The following SLC26A4 variants were observed in gnomAD, a reference collection of about 807,000 sequenced individuals.
The protein encoded by SLC26A4 is pendrin.
Under a neutral mutation model 90.4 loss-of-function variants are expected in SLC26A4, and 93 were observed. That is an observed-to-expected ratio of 1.03 (90% CI 0.87 to 1.22). The LOEUF (loss-of-function observed/expected upper bound fraction) is 1.22. Ranked by LOEUF, SLC26A4 falls within the 50% of genes most tolerant of loss-of-function variation. The probability of loss-of-function intolerance (pLI) is 0.00; values close to 1 mark genes in which losing one functional copy is unlikely to be tolerated. For missense variants in SLC26A4, 1,127 were observed against 946.2 expected, an observed-to-expected ratio of 1.19 and a Z score of -2.51; for synonymous variants, 393 against 354.6, an observed-to-expected ratio of 1.11 and a Z score of -1.22.
At chr7:107,687,602 G>A (rs1791454472) in intron 8 of SLC26A4, among the ~76,000 whole-genome samples, 1 of 152,244 alleles carries the variant, frequency 6.6e-6, no homozygotes, top group African/African-American at 2.4e-5. Context: ...GAGTGATTCT[G>A]GTCCTTTGAC....
At chr7:107,670,822 C>T (rs939526325) in intron 3 of SLC26A4, among the ~76,000 whole-genome samples, 1 of 152,050 alleles carries the variant, frequency 6.6e-6, no homozygotes, top group African/African-American at 2.4e-5. Context: ...ATGCTGGCTA[C>T]CTAAGTATTT....
chr7:107,702,014 C>T lies in SLC26A4; in HGVS notation c.1991C>T (p.Ala664Val), dbSNP rs2129318281. 1.2e-6 allele frequency: 2 copies of T among 1,613,910 alleles called. No individual in the cohort carries two copies. The highest frequency in any genetic ancestry group is 1.7e-6 in the Non-Finnish European group (2 of 1,179,838). Residue 664 changes from alanine (A) to valine (V), a missense_variant, in exon 17 of 21, where the codon GCT (alanine) becomes GTT (valine). Transcript: ENST00000644269. ...PIHSLVLDCG[A>V]ISFLDVVGVR... ...CATAGCCTTGTGCTTGACTGTGGAG[C>T]TATATCTTTCCTGGACGTTGTTGGA... is the stretch of plus-strand genomic sequence containing the variant.
chr7:107,675,126 G>T lies in SLC26A4; in HGVS notation c.765+17G>T, dbSNP rs1256545955. On this transcript the variant is annotated intron_variant, in intron 6 of 20. Transcript: ENST00000644269. ...ATTATCTATGTAAGTGTTGCTTCTT[G>T]CTCCAGGGATGGGTCACTGTTCATT... is the stretch of plus-strand genomic sequence containing the variant. 1.9e-6 allele frequency: 3 copies of T among 1,611,846 alleles called. No individual in the cohort carries two copies.
chr7:107,678,008 G>T (rs1006967228), intron 6 of SLC26A4, among the ~76,000 whole-genome samples: 1 of 151,970 alleles, frequency 6.6e-6, no homozygotes, highest in Non-Finnish European at 1.5e-5. Context: ...TGAACCCCTG[G>T]CCTCAAGCAG....
At chr7:107,667,461 T>TAAA (rs60333058) in intron 3 of SLC26A4, among the ~76,000 whole-genome samples, 3 of 39,254 alleles carry the variant, frequency 7.6e-5, no homozygotes, top group African/African-American at 3.4e-4. Flanking sequence ...AGAGAAGGTT[T>TAAA]AAAAAAAAAA....
chr7:107,675,574 CTTTTTTT>C (rs563755979), intron 6 of SLC26A4, among the ~76,000 whole-genome samples: 2 of 131,010 alleles, frequency 1.5e-5, no homozygotes, highest in Admixed American at 7.8e-5. Flanking sequence ...TTCTTTCTTT[CTTTTTTT>C]TTTTTTTTTT....
Position 107,716,789 on chromosome 7 carries a change from A to G in SLC26A4, c.*1343A>G, listed in dbSNP as rs901688745. ...ACGACATCATCCCTTGGTATACTCCAGGGATTGGTTTCAGGACCCCTGCAT... is the reference window on the plus strand; with the variant it reads ...ACGACATCATCCCTTGGTATACTCCGGGGATTGGTTTCAGGACCCCTGCAT... On this transcript the variant is annotated 3_prime_UTR_variant, in exon 21 of 21. Transcript: ENST00000644269. 6.6e-6 allele frequency: 1 copy of G among 152,176 alleles called. No individual in the cohort carries two copies. The highest frequency in any genetic ancestry group is 2.4e-5 in the African/African-American group (1 of 41,448). 9.4% of individuals were successfully genotyped at this position (152,176 alleles called of 1,614,324 possible).
Position 107,701,204 on chromosome 7 carries a change from G to T in SLC26A4, c.1803+8G>T. 2 of 1,525,548 alleles carry T rather than the reference G, an allele frequency of 1.3e-6. No individual in the cohort carries two copies. The highest frequency in any genetic ancestry group is 1.1e-5 in the South Asian group (1 of 89,180). The allele number at this position is 1,525,548 out of a possible 1,614,324, so 94.5% of individuals were successfully genotyped here. On this transcript the variant is annotated splice_region_variant and intron_variant, in intron 16 of 20. Coordinates refer to ENST00000644269, the MANE Select transcript of SLC26A4 (RefSeq NM_000441.2). ...CAATTAAGAGCAACAAAGGTGAGAT[G>T]ACATCTTTCTTTTCCCCCTTAAATT... is the stretch of plus-strand genomic sequence containing the variant.
intron 20 of SLC26A4, among the ~76,000 whole-genome samples, chr7:107,713,920 A>G (rs1021425800): frequency 6.6e-6 from 1 of 151,354 alleles, no homozygotes; most frequent in African/African-American, 2.4e-5. Context: ...TATTATTATT[A>G]TTATTATTAT....
At chr7:107,686,433 C>CT (rs1433193099) in intron 8 of SLC26A4, among the ~76,000 whole-genome samples, 9 of 84,542 alleles carry the variant, frequency 1.1e-4, no homozygotes, top group African/African-American at 4.5e-4. Flanking sequence ...TTCTTTCTTT[C>CT]TTTCTTTCTT....
intron 13 of SLC26A4, among the ~76,000 whole-genome samples, chr7:107,697,166 A>G (rs1363819420): frequency 6.6e-6 from 1 of 152,214 alleles, no homozygotes; most frequent in East Asian, 1.9e-4. Flanking sequence ...CTCATGCTGT[A>G]TATGCCTCAG....
At chr7:107,668,881 C>G (rs1790787612) in intron 3 of SLC26A4, among the ~76,000 whole-genome samples, 1 of 152,194 alleles carries the variant, frequency 6.6e-6, no homozygotes, top group South Asian at 2.1e-4. Flanking sequence ...TTAGCACCTG[C>G]TTTGCCAGTA....
At chr7:107,672,530 C>T (rs962300468) in intron 4 of SLC26A4, among the ~76,000 whole-genome samples, 5 of 151,654 alleles carry the variant, frequency 3.3e-5, no homozygotes, top group African/African-American at 1.2e-4. Flanking sequence ...AAATGACAGC[C>T]TACTTTAACA....
chr7:107,683,139 CGT>C (rs931514563), intron 6 of SLC26A4, 61 bp from the exon 7 acceptor site: 45 of 1,117,696 alleles, frequency 4.0e-5, no homozygotes, highest in East Asian at 4.9e-5. Flanking sequence ...TGTGTGTGTG[CGT>C]GTGTGTGTGC....
At chr7:107,683,730 A>G (rs567769719) in intron 8 of SLC26A4, among the ~76,000 whole-genome samples, 193 bp downstream of exon 8, 1 of 152,348 alleles carries the variant, frequency 6.6e-6, no homozygotes, top group East Asian at 1.9e-4. Context: ...TTTGTTTAAA[A>G]GCAGCCCGTA....
At chr7:107,696,877 C>T (rs1050076004) in intron 13 of SLC26A4, among the ~76,000 whole-genome samples, 1 of 152,182 alleles carries the variant, frequency 6.6e-6, no homozygotes, top group African/African-American at 2.4e-5. Context: ...GGCCCCTGCT[C>T]TGCCTGTGCT....
Position 107,712,587 on chromosome 7 carries a change from G to T in SLC26A4, c.2284G>T (p.Glu762Ter), listed in dbSNP as rs2129320416. 6 of 1,593,274 alleles carry T rather than the reference G, an allele frequency of 3.8e-6. No individual in the cohort carries two copies. The highest frequency in any genetic ancestry group is 5.2e-6 in the Non-Finnish European group (6 of 1,161,100). ...CKDTLELIET[E>*]LTEEELDVQD... is the part of the protein sequence containing the mutation. The stretch of plus-strand genomic sequence containing the variant: ...AGATACCCTTGAATTAATAGAAACA[G>T]AGCTGACGGAAGAAGAACTTGATGT... Residue 762 changes from glutamate (E) to a stop codon, truncating the protein, a stop_gained, in exon 20 of 21, where the codon GAG (glutamate) becomes TAG (stop). Coordinates refer to ENST00000644269, the MANE Select transcript of SLC26A4 (RefSeq NM_000441.2). LOFTEE classifies it high-confidence loss of function.
chr7:107,691,514 TACACACACACAC>T (rs113976786), intron 10 of SLC26A4, among the ~76,000 whole-genome samples: 2 of 130,978 alleles, frequency 1.5e-5, no homozygotes, highest in African/African-American at 5.8e-5. Flanking sequence ...AATATATATA[TACACACACACAC>T]ACACACACAC....
At chr7:107,686,405 T>TTTCTTTCTTTCTTTCTTTC (rs1791413313) in intron 8 of SLC26A4, among the ~76,000 whole-genome samples, 1 of 82,524 alleles carries the variant, frequency 1.2e-5, no homozygotes, top group Non-Finnish European at 2.3e-5. Context: ...TCTCTCTCTT[T>TTTCTTTCTTTCTTTCTTTC]TTTCTTTCTT....
Sources: allele counts gnomAD v4.1 joint callset (sites outside exome capture counted in the v4.1 genomes callset), GRCh38; gene constraint gnomAD v4.1.1; transcripts MANE v1.5; gene names NCBI Gene and HGNC (gene_info 2026-07-23, HGNC 2026-07-21).